The following MOGAT1 variants were observed in gnomAD, a reference collection of about 807,000 sequenced individuals.
The protein encoded by MOGAT1 is 2-acylglycerol O-acyltransferase 1.
A neutral mutation model predicts 31.4 loss-of-function variants in MOGAT1; 32 were observed. The ratio of observed to expected loss-of-function variants is 1.02; its 90% confidence interval spans 0.77 to 1.37. The LOEUF is 1.37. Among genes scored for constraint, MOGAT1 ranks in the 40% most tolerant of loss-of-function variants. The pLI is 0.00. For missense variants in MOGAT1, 426 were observed against 402.0 expected, an observed-to-expected ratio of 1.06 and a Z score of -0.51; for synonymous variants, 145 against 144.5, an observed-to-expected ratio of 1.00 and a Z score of -0.03.
intron 1 of MOGAT1, among the ~76,000 whole-genome samples, chr2:222,683,398 G>A (rs928470556): frequency 8.7e-5 from 13 of 148,914 alleles, no homozygotes; most frequent in Non-Finnish European, 1.9e-4. Flanking sequence ...TAAAATCGCT[G>A]GTTTTTTATG....
At chr2:222,676,140 C>A (rs1692494388) in intron 1 of MOGAT1, among the ~76,000 whole-genome samples, 1 of 151,072 alleles carries the variant, frequency 6.6e-6, no homozygotes, top group African/African-American at 2.5e-5. Flanking sequence ...CCCAAGCAAC[C>A]ACTGATCTCC....
chr2:222,691,534 A>T (rs13019436), intron 3 of MOGAT1, among the ~76,000 whole-genome samples: 28,342 of 152,186 alleles, frequency 0.19, 2,723 homozygotes, highest in East Asian at 0.33. Flanking sequence ...CATCATGAAT[A>T]GTTTTCTGTG....
chr2:222,702,069 C>T (rs528259817), intron 5 of MOGAT1, among the ~76,000 whole-genome samples: 1 of 152,304 alleles, frequency 6.6e-6, no homozygotes, highest in African/African-American at 2.4e-5. Flanking sequence ...TTGTTGAGAG[C>T]TTTCAAATGT....
Position 222,695,305 on chromosome 2 carries a change from A to G in MOGAT1, c.853+17A>G. 1 of 1,535,742 alleles carries G rather than the reference A, an allele frequency of 6.5e-7. No homozygotes were observed. Among genetic ancestry groups the G allele is most frequent in the Non-Finnish European group, 8.9e-7 (1 of 1,120,630 alleles). ...ACACTGTTGGTATGTACATAAAATAACTACAACTATTAGCTTACTTTAAGC... is the reference window on the plus strand; with the variant it reads ...ACACTGTTGGTATGTACATAAAATAGCTACAACTATTAGCTTACTTTAAGC... On this transcript the variant is annotated intron_variant, in intron 5 of 5. Coordinates refer to ENST00000446656, the MANE Select transcript of MOGAT1 (RefSeq NM_058165.3).
intron 1 of MOGAT1, among the ~76,000 whole-genome samples, chr2:222,679,443 G>C (rs1254779626): frequency 6.6e-6 from 1 of 152,118 alleles, no homozygotes; most frequent in Non-Finnish European, 1.5e-5. Flanking sequence ...AAACCCTCCT[G>C]GGATTTTGAT....
At chr2:222,680,238 T>C (rs1274324128) in intron 1 of MOGAT1, among the ~76,000 whole-genome samples, 1 of 152,256 alleles carries the variant, frequency 6.6e-6, no homozygotes, top group Non-Finnish European at 1.5e-5. Flanking sequence ...GTCTCTTTTA[T>C]TATGGATTAT....
At chr2:222,709,693 G>A (rs1445456384) in intron 5 of MOGAT1, 43 bp from the exon 6 acceptor site, 19 of 1,589,458 alleles carry the variant, frequency 1.2e-5, no homozygotes, top group Non-Finnish European at 1.6e-5. Flanking sequence ...CTGTGGTGGA[G>A]TGGTTTTAGT....
intron 1 of MOGAT1, among the ~76,000 whole-genome samples, chr2:222,676,650 C>T (rs1574968651): frequency 1.3e-5 from 2 of 152,178 alleles, no homozygotes; most frequent in East Asian, 3.8e-4. Flanking sequence ...TTTAACTTTT[C>T]CAGAAACCAC....
chr2:222,672,575 T>C (rs879923438), intron 1 of MOGAT1, among the ~76,000 whole-genome samples: 2 of 152,174 alleles, frequency 1.3e-5, no homozygotes, highest in Non-Finnish European at 2.9e-5. Flanking sequence ...TTTTGTTTTT[T>C]CCTTCATATT....
At chr2:222,679,848 T>C (rs141839402) in intron 1 of MOGAT1, among the ~76,000 whole-genome samples, 1 of 152,236 alleles carries the variant, frequency 6.6e-6, no homozygotes, top group African/African-American at 2.4e-5. Context: ...CAGACCAGTT[T>C]TCCTGAAAAC....
At chr2:222,694,976 C>T (rs1162630055) in intron 4 of MOGAT1, 113 bp from the exon 5 acceptor site, 13 of 714,598 alleles carry the variant, frequency 1.8e-5, no homozygotes, top group Non-Finnish European at 2.9e-5. Flanking sequence ...TATAGGAAGG[C>T]TTGGGCACAT....
chr2:222,705,180 G>A, intron 5 of MOGAT1, among the ~76,000 whole-genome samples: 1 of 152,316 alleles, frequency 6.6e-6, no homozygotes, highest in East Asian at 1.9e-4. Context: ...GAGTGTAGCA[G>A]TGAGGATGAC....
At chr2:222,699,490 CT>C (rs1159264071) in intron 5 of MOGAT1, 353 of 77,660 alleles carry the variant, frequency 4.5e-3, no homozygotes, top group African/African-American at 0.016. Flanking sequence ...GGAGATATTT[CT>C]TTTTTTTTTT....
intron 1 of MOGAT1, among the ~76,000 whole-genome samples, chr2:222,687,146 AC>A (rs1692686416): frequency 1.1e-4 from 7 of 61,216 alleles, no homozygotes; most frequent in African/African-American, 2.5e-4. Context: ...AAAAGAAAGA[AC>A]AAGAAAGAAA....
chr2:222,685,425 G>C (rs575982689), intron 1 of MOGAT1, among the ~76,000 whole-genome samples: 1 of 152,200 alleles, frequency 6.6e-6, no homozygotes, highest in South Asian at 2.1e-4. Flanking sequence ...TTTGTCCCGG[G>C]TCAGGAAGCT....
At chr2:222,706,471 TA>T (rs11455554) in intron 5 of MOGAT1, among the ~76,000 whole-genome samples, 133 of 139,792 alleles carry the variant, frequency 9.5e-4, no homozygotes, top group East Asian at 2.7e-3. Flanking sequence ...AAACTCTGTA[TA>T]AAAAAAAAAA....
In MOGAT1 at chr2:222,671,790, A is replaced by T; in HGVS notation, c.5A>T (p.Lys2Met). ...CCGTCCTCGCCCGGCCAGGCCATGA[A>T]GGTAGAGTTTGCACCGCTCAACATC... M[K>M]VEFAPLNIQL... Residue 2 changes from lysine to methionine, a missense_variant, in exon 1 of 6, where the codon AAG (lysine) becomes ATG (methionine). Lys to Met is a moderately conservative substitution (Grantham distance 95, BLOSUM62 -1). Coordinates refer to ENST00000446656, the MANE Select transcript of MOGAT1 (RefSeq NM_058165.3). 1.3e-6 allele frequency: 2 copies of T among 1,551,894 alleles called. No homozygotes were observed. The highest frequency in any genetic ancestry group is 1.7e-6 in the Non-Finnish European group (2 of 1,147,630).
At chr2:222,677,597 T>C (rs190494276) in intron 1 of MOGAT1, 2 of 234,124 alleles carry the variant, frequency 8.5e-6, no homozygotes, top group African/African-American at 4.7e-5. Flanking sequence ...AAGGTACTAA[T>C]GAGATGTAAA....
chr2:222,693,703 T>A (rs1692799063), intron 3 of MOGAT1, among the ~76,000 whole-genome samples: 1 of 152,022 alleles, frequency 6.6e-6, no homozygotes, highest in Non-Finnish European at 1.5e-5. Context: ...TTATTCACTA[T>A]CACGAGAACA....
Sources: allele counts gnomAD v4.1 joint callset (sites outside exome capture counted in the v4.1 genomes callset), GRCh38; gene constraint gnomAD v4.1.1; transcripts MANE v1.5; gene names NCBI Gene and HGNC (gene_info 2026-07-23, HGNC 2026-07-21).